The following MROH2B variants were observed in gnomAD, a reference collection of about 807,000 sequenced individuals.
The protein encoded by MROH2B is maestro heat-like repeat-containing protein family member 2B.
MROH2B carries 177 observed loss-of-function variants against 208.6 expected under a neutral mutation model. The observed-to-expected ratio is 0.85, with a 90% CI of 0.75 to 0.96. MROH2B has a LOEUF of 0.96. MROH2B is among the 40% of genes least tolerant of loss of function. The pLI is 0.00. For missense variants in MROH2B, 2,002 were observed against 1,878.7 expected (o/e 1.07, Z -1.21); for synonymous variants, 728 against 659.0 (o/e 1.10, Z -1.60).
chr5:41,010,032 TC>T lies in MROH2B; in HGVS notation c.3182del (p.Arg1061AsnfsTer11). On this transcript the variant is annotated frameshift_variant, in exon 31 of 42. Transcript: ENST00000399564. LOFTEE classifies it high-confidence loss of function. Reference sequence around the variant, plus strand: ...TGAACTGAAAACTTTCTTCTTTTTGTCTGAGGACTGGCATGTGATGGTAGAT... The same window carrying T: ...TGAACTGAAAACTTTCTTCTTTTTGTTGAGGACTGGCATGTGATGGTAGAT... ...GTIYHHMPVL[R>X]QKEESFQFIL... is the part of the protein sequence containing the mutation. 6.2e-7 allele frequency: 1 copy of T among 1,613,888 alleles called. No homozygotes were observed. The highest frequency in any genetic ancestry group is 1.6e-4 in the Middle Eastern group (1 of 6,062).
At position 41,005,419 on chromosome 5, in the gene MROH2B, C is replaced by CA. The variant is rs1442160429; in HGVS notation, c.3864+111_3864+112insT. On this transcript the variant is annotated intron_variant, in intron 35 of 41. Coordinates refer to ENST00000399564, the MANE Select transcript of MROH2B (RefSeq NM_173489.5). ...CTGGTCTCTCCTCTATGAAACCCCC[C>CA]CCCCCCTTGAAGTCTCTCTTCCCTG... 181 of 198,650 alleles carry CA rather than the reference C, an allele frequency of 9.1e-4. 20 individuals are homozygous for CA. The highest frequency in any genetic ancestry group is 2.0e-3 in the Admixed American group (31 of 15,664). The allele number at this position is 198,650 out of a possible 1,614,324, so 12.3% of individuals were successfully genotyped here. A position where few individuals can be genotyped will look rare whatever the true frequency, so the allele number is the denominator to read the frequency against.
chr5:41,000,981 G>T (rs2111787571), intron 37 of MROH2B, 148 bp from the exon 38 acceptor site: 2 of 907,508 alleles, frequency 2.2e-6, no homozygotes, highest in African/African-American at 1.7e-5. Flanking sequence ...GCCTCTAAAT[G>T]TTCCAAGAAC....
At chr5:41,067,388 T>A (rs2150184125) in intron 2 of MROH2B, among the ~76,000 whole-genome samples, 170 bp from the exon 3 acceptor site, 1 of 152,144 alleles carries the variant, frequency 6.6e-6, no homozygotes, top group South Asian at 2.1e-4. Context: ...TTTTTTAAGA[T>A]GGAGTTTTGC....
intron 18 of MROH2B, among the ~76,000 whole-genome samples, chr5:41,044,641 T>C (rs1743061566): frequency 6.6e-6 from 1 of 152,182 alleles, no homozygotes; most frequent in Admixed American, 6.5e-5. Flanking sequence ...ATTTTCCTAA[T>C]GTGTGTTGGC....
chr5:41,007,506 G>C (rs182349094), intron 33 of MROH2B, 52 bp from the exon 34 acceptor site: 1 of 1,379,732 alleles, frequency 7.2e-7, no homozygotes, highest in African/African-American at 1.5e-5. Flanking sequence ...ATAGGGAATT[G>C]CAAATTCCCA....
chr5:41,004,044 C>T (rs531106446), intron 37 of MROH2B, among the ~76,000 whole-genome samples: 4 of 152,140 alleles, frequency 2.6e-5, no homozygotes, highest in Non-Finnish European at 5.9e-5. Flanking sequence ...GTGAGGAAAC[C>T]GGGAAATTTA....
In MROH2B at chr5:41,049,453, A is replaced by G. The variant is rs1743222462; in HGVS notation, c.1345-17T>C. On this transcript the variant is annotated splice_polypyrimidine_tract_variant and intron_variant, in intron 13 of 41. Coordinates refer to ENST00000399564, the MANE Select transcript of MROH2B (RefSeq NM_173489.5). The stretch of plus-strand genomic sequence containing the variant: ...CCATAGCACCTGTGGAAAACAGGGC[A>G]TGATGCAAGGATTGCTTATTCTTTT... 3.1e-6 allele frequency: 5 copies of G among 1,604,596 alleles called. No individual in the cohort carries two copies. Among genetic ancestry groups the G allele is most frequent in the Non-Finnish European group, 4.2e-6 (5 of 1,176,912 alleles).
At position 41,045,868 on chromosome 5, in the gene MROH2B, G is replaced by C; in HGVS notation, c.1729-15C>G. On this transcript the variant is annotated splice_polypyrimidine_tract_variant and intron_variant, in intron 17 of 41. Transcript: ENST00000399564. ...TCTTTGAGCAACTGTTGTAGGAAGT[G>C]GAAGTTAGATGTGAATATGACCGTT... 1 of 1,592,604 alleles carries C rather than the reference G, an allele frequency of 6.3e-7. No individual in the cohort carries two copies. Among genetic ancestry groups the C allele is most frequent in the Non-Finnish European group, 8.6e-7 (1 of 1,164,090 alleles).
intron 29 of MROH2B, among the ~76,000 whole-genome samples, chr5:41,013,721 T>C (rs1279743286): frequency 2.0e-5 from 3 of 152,188 alleles, no homozygotes; most frequent in Admixed American, 2.0e-4. Context: ...CACAGTGGGA[T>C]GGATGTTGAT....
At chr5:41,023,674 T>A (rs916660116) in intron 24 of MROH2B, among the ~76,000 whole-genome samples, 1 of 151,932 alleles carries the variant, frequency 6.6e-6, no homozygotes, top group Non-Finnish European at 1.5e-5. Context: ...ATTCAGGAAA[T>A]ACAGAAAATG....
chr5:41,065,255 G>A (rs1224573717), intron 4 of MROH2B, 76 bp downstream of exon 4: 12 of 1,391,266 alleles, frequency 8.6e-6, no homozygotes, highest in African/African-American at 2.9e-5. Context: ...CTCTTCTACC[G>A]TTTGCTCCCA....
chr5:41,021,307 G>A (rs938828570), intron 24 of MROH2B, among the ~76,000 whole-genome samples: 1 of 152,134 alleles, frequency 6.6e-6, no homozygotes, highest in African/African-American at 2.4e-5. Flanking sequence ...ATAATGGAAT[G>A]ACATCCTTTG....
chr5:41,026,190 A>G (rs1742353553), intron 24 of MROH2B, among the ~76,000 whole-genome samples: 1 of 152,318 alleles, frequency 6.6e-6, no homozygotes, highest in South Asian at 2.1e-4. Context: ...GGTCAGCGCA[A>G]TCAGGCAGGA....
rs1259054843 is a variant in MROH2B, at chr5:41,045,857, T to G, written c.1729-4A>C. On this transcript the variant is annotated splice_polypyrimidine_tract_variant and splice_region_variant and intron_variant, in intron 17 of 41. Coordinates refer to ENST00000399564, the MANE Select transcript of MROH2B (RefSeq NM_173489.5). The stretch of plus-strand genomic sequence containing the variant: ...TCCATAAGGATTCTTTGAGCAACTG[T>G]TGTAGGAAGTGGAAGTTAGATGTGA... 6.2e-7 allele frequency: 1 copy of G among 1,605,174 alleles called. No individual in the cohort carries two copies. Among genetic ancestry groups the G allele is most frequent in the South Asian group, 1.1e-5 (1 of 89,742 alleles).
intron 24 of MROH2B, among the ~76,000 whole-genome samples, chr5:41,027,008 C>T (rs1742386812): frequency 6.6e-6 from 1 of 152,126 alleles, no homozygotes; most frequent in Non-Finnish European, 1.5e-5. Context: ...AAACTGGATC[C>T]CTTCCTTACA....
At chr5:41,058,644 T>C (rs1207461352) in intron 6 of MROH2B, among the ~76,000 whole-genome samples, 1 of 152,114 alleles carries the variant, frequency 6.6e-6, no homozygotes, top group Non-Finnish European at 1.5e-5. Flanking sequence ...TACTAGATTT[T>C]ATTTTATTTT....
intron 10 of MROH2B, 123 bp from the exon 11 acceptor site, chr5:41,054,963 A>G (rs1172693038): frequency 6.7e-6 from 4 of 599,970 alleles, no homozygotes; most frequent in Non-Finnish European, 1.1e-5. Context: ...TTAACAACCT[A>G]TTTGTTTTTC....
chr5:41,057,065 C>G, intron 9 of MROH2B, 44 bp downstream of exon 9: 1 of 1,591,538 alleles, frequency 6.3e-7, no homozygotes, highest in Non-Finnish European at 8.6e-7. Context: ...ATCATCATCA[C>G]TTGGGGACAT....
At chr5:41,039,012 A>G in intron 20 of MROH2B, 124 bp from the exon 21 acceptor site, 1 of 865,076 alleles carries the variant, frequency 1.2e-6, no homozygotes, top group East Asian at 2.5e-5. Context: ...TGATTCGAAT[A>G]AGTCTAAAAT....
Sources: gnomAD v4.1 joint callset for allele counts (sites outside exome capture counted in the v4.1 genomes callset) on GRCh38, gnomAD v4.1.1 for gene constraint, MANE v1.5 for transcripts, NCBI Gene and HGNC (gene_info 2026-07-23, HGNC 2026-07-21) for gene names.